The following CHMP4B variants were observed in gnomAD, a reference collection of about 807,000 sequenced individuals.
The protein encoded by CHMP4B is charged multivesicular body protein 4B, also known as SNF7 homolog associated with Alix 1.
In CHMP4B, 1 loss-of-function variant was observed where a neutral mutation model predicts 25.1. The observed-to-expected ratio is 0.04, with a 90% CI of 0.01 to 0.19. The LOEUF is 0.19. CHMP4B is among the 10% of genes least tolerant of loss of function. The probability of loss-of-function intolerance (pLI) is 1.00; values close to 1 mark genes in which losing one functional copy is unlikely to be tolerated. For missense variants in CHMP4B, 151 were observed against 289.7 expected (o/e 0.52, Z 3.48); for synonymous variants, 101 against 115.6 (o/e 0.87, Z 0.81).
chr20:33,821,732 A>T (rs1978946923), intron 1 of CHMP4B, among the ~76,000 whole-genome samples: 1 of 152,218 alleles, frequency 6.6e-6, no homozygotes. Flanking sequence ...AGACCAATAT[A>T]GGCATCAAAG....
At chr20:33,817,233 AT>A (rs1218597875) in intron 1 of CHMP4B, among the ~76,000 whole-genome samples, 2 of 152,328 alleles carry the variant, frequency 1.3e-5, no homozygotes, top group East Asian at 3.9e-4. Context: ...GTTTGGAAAA[AT>A]GGTTGGCTAG....
At chr20:33,829,592 T>C (rs1239116037) in intron 1 of CHMP4B, among the ~76,000 whole-genome samples, 1 of 152,246 alleles carries the variant, frequency 6.6e-6, no homozygotes, top group Admixed American at 6.5e-5. Flanking sequence ...CAATTTCTTA[T>C]GTGAAACCAG....
At chr20:33,827,197 A>C (rs923148832) in intron 1 of CHMP4B, among the ~76,000 whole-genome samples, 2 of 152,200 alleles carry the variant, frequency 1.3e-5, no homozygotes, top group African/African-American at 4.8e-5. Context: ...GCTGCACAGT[A>C]GTTCAGACTC....
At chr20:33,848,414 G>A in intron 1 of CHMP4B, 53 bp from the exon 2 acceptor site, 1 of 1,591,316 alleles carries the variant, frequency 6.3e-7, no homozygotes, top group Non-Finnish European at 8.6e-7. Context: ...AGTGACACTA[G>A]AACCTCACCC....
At chr20:33,826,640 A>T (rs1309416385) in intron 1 of CHMP4B, among the ~76,000 whole-genome samples, 1 of 152,174 alleles carries the variant, frequency 6.6e-6, no homozygotes, top group Non-Finnish European at 1.5e-5. Context: ...CTGTTCCCTT[A>T]TAAGGAAGTC....
intron 2 of CHMP4B, among the ~76,000 whole-genome samples, chr20:33,849,292 C>G (rs1331945029): frequency 6.6e-6 from 1 of 152,194 alleles, no homozygotes. Context: ...ATGAAGGCCT[C>G]TCTCTTGAAT....
At chr20:33,812,869 A>G (rs1006527605) in intron 1 of CHMP4B, among the ~76,000 whole-genome samples, 1 of 152,236 alleles carries the variant, frequency 6.6e-6, no homozygotes, top group East Asian at 1.9e-4. Flanking sequence ...CTGATAGTCA[A>G]CAGATATTCT....
intron 1 of CHMP4B, among the ~76,000 whole-genome samples, chr20:33,847,471 T>C (rs141440679): frequency 2.4e-4 from 37 of 152,244 alleles, no homozygotes; most frequent in Admixed American, 2.3e-3. Context: ...TATTTTTCGG[T>C]GTGAAGAGTG....
intron 1 of CHMP4B, among the ~76,000 whole-genome samples, chr20:33,829,064 T>C (rs1221335085): frequency 6.6e-6 from 1 of 152,152 alleles, no homozygotes; most frequent in African/African-American, 2.4e-5. Flanking sequence ...TTGCTGGGAG[T>C]ACAGAAATGA....
intron 1 of CHMP4B, 113 bp downstream of exon 1, chr20:33,811,771 C>CA: frequency 4.5e-6 from 5 of 1,099,774 alleles, no homozygotes; most frequent in Non-Finnish European, 6.8e-6. Flanking sequence ...TGGAACTCTC[C>CA]GGGTCAGACT....
chr20:33,839,411 A>C (rs761557761), intron 1 of CHMP4B, among the ~76,000 whole-genome samples: 34 of 152,216 alleles, frequency 2.2e-4, no homozygotes, highest in Non-Finnish European at 1.3e-4. Context: ...TTATTCTTTA[A>C]AACAGAAAAA....
chr20:33,839,305 C>T (rs1448017840), intron 1 of CHMP4B, among the ~76,000 whole-genome samples: 3 of 152,078 alleles, frequency 2.0e-5, no homozygotes, highest in African/African-American at 7.2e-5. Context: ...GAGTGCCCCT[C>T]CCTTCTCCCT....
intron 1 of CHMP4B, among the ~76,000 whole-genome samples, chr20:33,847,433 C>T (rs1321509062): frequency 6.6e-6 from 1 of 152,054 alleles, no homozygotes; most frequent in East Asian, 1.9e-4. Context: ...TCCTGTGCCC[C>T]AACATCATCT....
In CHMP4B at chr20:33,828,768, T is replaced by G. The variant is rs565767304; in HGVS notation, c.190+17110T>G. Among the ~76,000 whole-genome samples the G allele has an allele frequency of 2.8e-4, 43 of 152,234 alleles. 1 individual carries two copies. The highest frequency in any genetic ancestry group is 1.0e-3 in the African/African-American group (42 of 41,536). ...TTTTTGGTGCTTCTTGTCTTTTTTT[T>G]TTTTTCTTTTTCGTTGAGGTATAAC... On this transcript the variant is annotated intron_variant, in intron 1 of 4. Coordinates refer to ENST00000217402, the MANE Select transcript of CHMP4B (RefSeq NM_176812.5).
intron 1 of CHMP4B, among the ~76,000 whole-genome samples, chr20:33,835,344 T>C (rs1979364288): frequency 6.6e-6 from 1 of 152,208 alleles, no homozygotes; most frequent in Admixed American, 6.5e-5. Flanking sequence ...TCCAGGGTCA[T>C]TGAGCTTCTT....
At chr20:33,853,037 G>A (rs909638363) in intron 4 of CHMP4B, among the ~76,000 whole-genome samples, 5 of 152,190 alleles carry the variant, frequency 3.3e-5, no homozygotes, top group African/African-American at 7.2e-5. Context: ...AAGAGGGAAC[G>A]GCCTCCTCAA....
chr20:33,816,859 T>C (rs1978796394), intron 1 of CHMP4B, among the ~76,000 whole-genome samples: 1 of 152,174 alleles, frequency 6.6e-6, no homozygotes, highest in Non-Finnish European at 1.5e-5. Flanking sequence ...ATCAGTTCAT[T>C]TACAGGTTAA....
intron 1 of CHMP4B, among the ~76,000 whole-genome samples, chr20:33,815,694 T>A (rs1049986031): frequency 2.0e-5 from 3 of 152,250 alleles, no homozygotes; most frequent in African/African-American, 7.2e-5. Context: ...ATGGTCAGCA[T>A]TTGTTAAATG....
intron 1 of CHMP4B, among the ~76,000 whole-genome samples, chr20:33,831,752 T>TTTTTTTTTTTGAGACGGAGTCTCGCTC (rs1568608001): frequency 6.6e-6 from 1 of 152,248 alleles, no homozygotes; most frequent in African/African-American, 2.4e-5. Flanking sequence ...TTTTATTATT[T>TTTTTTTTTTTGAGACGGAGTCTCGCTC]TCACATATAC....
Sources: allele counts gnomAD v4.1 joint callset (sites outside exome capture counted in the v4.1 genomes callset), GRCh38; gene constraint gnomAD v4.1.1; transcripts MANE v1.5; gene names NCBI Gene and HGNC (gene_info 2026-07-23, HGNC 2026-07-21).